Variants in TMEM196 observed in about 807,000 individuals in gnomAD.
The protein encoded by TMEM196 is transmembrane protein 196.
Under a neutral mutation model 20.0 loss-of-function variants are expected in TMEM196, and 17 were observed. The observed-to-expected ratio is 0.85, with a 90% CI of 0.58 to 1.27. TMEM196 has a LOEUF of 1.27. Among genes scored for constraint, TMEM196 ranks in the 50% most tolerant of loss-of-function variants. The pLI, the probability that TMEM196 is intolerant of heterozygous loss-of-function variation, is 0.00. For synonymous variants in TMEM196, 113 were observed against 88.9 expected (o/e 1.27, Z -1.52); for missense variants, 267 against 223.0 (o/e 1.20, Z -1.26).
At chr7:19,769,342 A>G (rs1785767167) in intron 1 of TMEM196, among the ~76,000 whole-genome samples, 1 of 152,066 alleles carries the variant, frequency 6.6e-6, no homozygotes, top group African/African-American at 2.4e-5. Context: ...ATTATTCAAA[A>G]TATGAGAAAG....
intron 2 of TMEM196, among the ~76,000 whole-genome samples, chr7:19,726,963 C>T (rs1330772330): frequency 6.6e-6 from 1 of 152,094 alleles, no homozygotes. Flanking sequence ...TTTGCTTCTT[C>T]CTTAGACTCA....
intron 1 of TMEM196, 84 bp downstream of exon 1, chr7:19,772,466 G>T: frequency 7.4e-7 from 1 of 1,357,526 alleles, no homozygotes; most frequent in Non-Finnish European, 9.6e-7. Context: ...GGGAGGGAGT[G>T]ACTAATGCGC....
intron 1 of TMEM196, among the ~76,000 whole-genome samples, chr7:19,762,367 G>C (rs1381358439): frequency 2.0e-5 from 3 of 151,922 alleles, no homozygotes; most frequent in Non-Finnish European, 4.4e-5. Context: ...TACTTCTAGA[G>C]GGAAGTAAAA....
rs149224104 is a variant in TMEM196 at position 19,737,573 on chromosome 7, C to T, written c.148-8135G>A. 2.7e-3 allele frequency among the ~76,000 whole-genome samples: 417 copies of T among 151,856 alleles called. 5 individuals carry two copies. Among genetic ancestry groups the T allele is most frequent in the African/African-American group, 9.6e-3 (397 of 41,478 alleles). ...TATTCATACAATGCAGTGCCATTCA[C>T]TGATATAAAAAAAGTGAGATACCAA... On this transcript the variant is annotated intron_variant, in intron 1 of 4. Coordinates refer to ENST00000405844, the MANE Select transcript of TMEM196 (RefSeq NM_001363562.2).
chr7:19,734,277 T>G (rs573097026), intron 1 of TMEM196, among the ~76,000 whole-genome samples: 45 of 152,268 alleles, frequency 3.0e-4, no homozygotes, highest in African/African-American at 1.1e-3. Flanking sequence ...CTTTCAAACT[T>G]TTCAATGTAT....
chr7:19,735,210 A>G (rs985723294), intron 1 of TMEM196, among the ~76,000 whole-genome samples: 1 of 152,192 alleles, frequency 6.6e-6, no homozygotes, highest in Admixed American at 6.5e-5. Flanking sequence ...TTAAAAAAAG[A>G]TGCAATGACA....
chr7:19,750,982 G>A (rs868140608), intron 1 of TMEM196, among the ~76,000 whole-genome samples: 4 of 152,136 alleles, frequency 2.6e-5, no homozygotes, highest in Admixed American at 1.3e-4. Flanking sequence ...TAATGCATTC[G>A]AAGTTTCTCC....
intron 1 of TMEM196, among the ~76,000 whole-genome samples, chr7:19,751,196 C>T (rs193214686): frequency 8.2e-4 from 125 of 152,300 alleles, no homozygotes; most frequent in African/African-American, 2.9e-3. Flanking sequence ...GATTCTGCAA[C>T]AGCTAACAGA....
chr7:19,761,671 A>G (rs1397924752), intron 1 of TMEM196, among the ~76,000 whole-genome samples: 1 of 152,254 alleles, frequency 6.6e-6, no homozygotes, highest in Admixed American at 6.5e-5. Context: ...TGTTAAATGA[A>G]GATGCACATC....
chr7:19,763,054 T>C (rs1785494638), intron 1 of TMEM196, among the ~76,000 whole-genome samples: 1 of 152,212 alleles, frequency 6.6e-6, no homozygotes, highest in Non-Finnish European at 1.5e-5. Context: ...CTTATCTTTT[T>C]ACCTTCTCTG....
In TMEM196 at chr7:19,721,940, T is replaced by A; in HGVS notation, c.*188A>T. The stretch of plus-strand genomic sequence containing the variant: ...TGGAGAAACCAGTGAGGCAATATAT[T>A]TTTTAGGAAGAATAATTTTAGTGGA... On this transcript the variant is annotated 3_prime_UTR_variant, in exon 5 of 5. Coordinates refer to ENST00000405844, the MANE Select transcript of TMEM196 (RefSeq NM_001363562.2). The A allele has an allele frequency of 2.6e-6, 2 of 762,624 alleles. No individual in the cohort carries two copies. Among genetic ancestry groups the A allele is most frequent in the East Asian group, 3.2e-5 (1 of 31,376 alleles). The allele number at this position is 762,624 out of a possible 1,614,324, so 47.2% of individuals were successfully genotyped here.
chr7:19,762,687 A>T lies in TMEM196; in HGVS notation c.147+9863T>A, dbSNP rs550288904. ...CAACTTGAAACATGTGGAAACTATA[A>T]TAGGGTTTAAAATGTAGATGATGAA... On this transcript the variant is annotated intron_variant, in intron 1 of 4. Transcript: ENST00000405844. 2.6e-5 allele frequency among the ~76,000 whole-genome samples: 4 copies of T among 152,326 alleles called. No individual in the cohort carries two copies. The East Asian group carries it at 5.8e-4, about 22-fold the overall frequency.
intron 1 of TMEM196, among the ~76,000 whole-genome samples, chr7:19,730,339 T>G (rs1335212565): frequency 6.6e-6 from 1 of 151,956 alleles, no homozygotes; most frequent in Non-Finnish European, 1.5e-5. Context: ...ATTGTTGACA[T>G]AATTGCTTTG....
intron 1 of TMEM196, among the ~76,000 whole-genome samples, chr7:19,752,685 G>T (rs2128031604): frequency 6.6e-6 from 1 of 151,862 alleles, no homozygotes; most frequent in African/African-American, 2.4e-5. Context: ...CCCGATCTTG[G>T]CTTAGTGCAA....
intron 1 of TMEM196, among the ~76,000 whole-genome samples, chr7:19,740,758 T>G (rs1211756030): frequency 6.6e-6 from 1 of 152,122 alleles, no homozygotes; most frequent in Non-Finnish European, 1.5e-5. Flanking sequence ...AGGCTGGTTT[T>G]GCATGTGGAA....
chr7:19,772,630 C>T lies in TMEM196; in HGVS notation c.67G>A (p.Val23Met), dbSNP rs182954631. 1 of 1,547,458 alleles carries T rather than the reference C, an allele frequency of 6.5e-7. No individual in the cohort carries two copies. The highest frequency in any genetic ancestry group is 2.5e-5 in the East Asian group (1 of 40,702). Residue 23 changes from valine (V) to methionine (M), a missense_variant, in exon 1 of 5, where the codon GTG becomes ATG. Val to Met is a conservative substitution (Grantham distance 21). Coordinates refer to ENST00000405844, the MANE Select transcript of TMEM196 (RefSeq NM_001363562.2). ...VLSVLEIGLG[V>M]SSVAVGAVSF... is the part of the protein sequence containing the mutation. Reference sequence around the variant, plus strand: ...ACCGCCCCCACGGCCACGCTGGACACCCCCAGCCCTATCTCCAGCACGGAG... The same window carrying T: ...ACCGCCCCCACGGCCACGCTGGACATCCCCAGCCCTATCTCCAGCACGGAG...
At chr7:19,769,140 A>G (rs1383866052) in intron 1 of TMEM196, among the ~76,000 whole-genome samples, 1 of 152,142 alleles carries the variant, frequency 6.6e-6, no homozygotes, top group Non-Finnish European at 1.5e-5. Context: ...ACTAATCAAA[A>G]TATAGTTTGA....
chr7:19,730,362 C>T (rs1784160990), intron 1 of TMEM196, among the ~76,000 whole-genome samples: 1 of 151,986 alleles, frequency 6.6e-6, no homozygotes, highest in Admixed American at 6.6e-5. Context: ...AAGGCAGTCA[C>T]ATCAGATTAT....
intron 1 of TMEM196, among the ~76,000 whole-genome samples, chr7:19,732,591 A>C (rs867058596): frequency 6.3e-5 from 9 of 141,920 alleles, no homozygotes; most frequent in Non-Finnish European, 1.4e-4. Context: ...AAAACAAAAA[A>C]AAAAAAAACG....
Sources: gnomAD v4.1 joint callset for allele counts (sites outside exome capture counted in the v4.1 genomes callset) on GRCh38, gnomAD v4.1.1 for gene constraint, MANE v1.5 for transcripts, NCBI Gene and HGNC (gene_info 2026-07-23, HGNC 2026-07-21) for gene names.